The following SCRG1 variants were observed in gnomAD, a reference collection of about 807,000 sequenced individuals.
SCRG1 encodes the protein scrapie-responsive protein 1.
A neutral mutation model predicts 7.7 loss-of-function variants in SCRG1; 3 were observed. That is an observed-to-expected ratio of 0.39 (90% CI 0.18 to 1.01). SCRG1 has a LOEUF of 1.01. Among genes scored for constraint, SCRG1 ranks in the 50% least tolerant of loss-of-function variants. The pLI, the probability that SCRG1 is intolerant of heterozygous loss-of-function variation, is 0.36. For synonymous variants in SCRG1, 46 were observed against 41.2 expected (o/e 1.12, Z -0.44); for missense variants, 110 against 117.2 (o/e 0.94, Z 0.28).
the SCRG1 span, among the ~76,000 whole-genome samples, chr4:173,446,408 G>GA: frequency 0.081 from 12,312 of 152,066 alleles, 590 homozygotes; most frequent in Non-Finnish European, 0.097. Flanking sequence ...CTCACGGGGG[G>GA]AAAAGCCAAT....
At chr4:173,488,275 C>T in the SCRG1 span, among the ~76,000 whole-genome samples, 1 of 152,040 alleles carries the variant, frequency 6.6e-6, no homozygotes, top group Non-Finnish European at 1.5e-5. Flanking sequence ...AAATGAGCAT[C>T]TCTTCAAGGG....
chr4:173,442,138 G>A, the SCRG1 span, among the ~76,000 whole-genome samples: 1 of 152,138 alleles, frequency 6.6e-6, no homozygotes. Flanking sequence ...GAACTTGCCT[G>A]CCTAGATCTC....
chr4:173,431,055 C>T, the SCRG1 span, among the ~76,000 whole-genome samples: 4 of 152,214 alleles, frequency 2.6e-5, no homozygotes, highest in South Asian at 2.1e-4. Flanking sequence ...TCAGTAGAAG[C>T]CCAAACCCCA....
chr4:173,479,435 G>GTTTTTTTTTTTTTT, the SCRG1 span, among the ~76,000 whole-genome samples: 4 of 125,930 alleles, frequency 3.2e-5, no homozygotes, highest in Non-Finnish European at 5.1e-5. Flanking sequence ...TTGTTTGTTT[G>GTTTTTTTTTTTTTT]TTTTTTTGTT....
At chr4:173,480,583 G>A in the SCRG1 span, among the ~76,000 whole-genome samples, 19 of 152,132 alleles carry the variant, frequency 1.2e-4, no homozygotes, top group Admixed American at 7.2e-4. Flanking sequence ...CCATAAGAAT[G>A]TGCAATTATT....
At chr4:173,496,180 A>G in the SCRG1 span, among the ~76,000 whole-genome samples, 10 of 152,220 alleles carry the variant, frequency 6.6e-5, no homozygotes, top group Admixed American at 6.5e-4. Flanking sequence ...TTAAGTAGGG[A>G]AACAACATGA....
chr4:173,424,515 T>C, the SCRG1 span, among the ~76,000 whole-genome samples: 142 of 152,350 alleles, frequency 9.3e-4, 1 homozygote, highest in African/African-American at 3.2e-3. Context: ...AGGATGCATT[T>C]GACTGGCACA....
At chr4:173,434,602 G>A in the SCRG1 span, among the ~76,000 whole-genome samples, 4 of 152,162 alleles carry the variant, frequency 2.6e-5, no homozygotes, top group South Asian at 2.1e-4. Context: ...AGGCCTAGGC[G>A]GGTGGATTAT....
At chr4:173,490,588 G>T in the SCRG1 span, among the ~76,000 whole-genome samples, 1 of 152,178 alleles carries the variant, frequency 6.6e-6, no homozygotes, top group Non-Finnish European at 1.5e-5. Flanking sequence ...GTTGCTGCCC[G>T]ATTGCAGGAA....
At chr4:173,416,013 G>A in the SCRG1 span, among the ~76,000 whole-genome samples, 1 of 152,242 alleles carries the variant, frequency 6.6e-6, no homozygotes, top group African/African-American at 2.4e-5. Context: ...GGTAAGACCA[G>A]CATGTGCGCC....
the SCRG1 span, chr4:173,419,229 T>C: frequency 1.3e-5 from 6 of 479,740 alleles, no homozygotes; most frequent in East Asian, 7.8e-5. Context: ...AAAATCCTCA[T>C]AGAAAATTGT....
Position 173,388,293 on chromosome 4 carries a change from A to AAG in SCRG1, c.*47_*48insCT, listed in dbSNP as rs770506530. ...AAATGCAGTTATACTGATGTAGTGC[A>AAG]GTTTGTGGGAAATCAGGAATGGTGT... On this transcript the variant is annotated 3_prime_UTR_variant, in exon 3 of 3. Transcript: ENST00000296506. The AAG allele has an allele frequency of 3.1e-5, 41 of 1,314,212 alleles. 2 individuals are homozygous for AAG. The South Asian group carries it at 4.9e-4, about 16-fold the overall frequency. The allele number at this position is 1,314,212 out of a possible 1,614,324, so 81.4% of individuals were successfully genotyped here. A position where few individuals can be genotyped will look rare whatever the true frequency, so the allele number is the denominator to read the frequency against.
the SCRG1 span, among the ~76,000 whole-genome samples, chr4:173,445,583 G>A: frequency 2.8e-5 from 4 of 141,436 alleles, no homozygotes; most frequent in Non-Finnish European, 4.5e-5. Context: ...CTCCGTCTCG[G>A]AAAAAAAAAA....
chr4:173,471,330 A>G, the SCRG1 span, among the ~76,000 whole-genome samples: 1 of 152,194 alleles, frequency 6.6e-6, no homozygotes, highest in African/African-American at 2.4e-5. Context: ...CTTTTTGATT[A>G]TGGCCAAGCC....
At chr4:173,447,114 T>C in the SCRG1 span, among the ~76,000 whole-genome samples, 1 of 152,208 alleles carries the variant, frequency 6.6e-6, no homozygotes, top group Non-Finnish European at 1.5e-5. Flanking sequence ...CAACAAACAT[T>C]TATTTCTCAC....
the SCRG1 span, among the ~76,000 whole-genome samples, chr4:173,471,664 G>A: frequency 6.6e-6 from 1 of 152,178 alleles, no homozygotes; most frequent in Non-Finnish European, 1.5e-5. Flanking sequence ...GGTAGCCTAT[G>A]TGCATACCCA....
chr4:173,400,823 T>A (rs1481059819), upstream of SCRG1, among the ~76,000 whole-genome samples: 1 of 152,188 alleles, frequency 6.6e-6, no homozygotes, highest in Non-Finnish European at 1.5e-5. Context: ...GTGTTTCTAG[T>A]GTCTTTGTTT....
chr4:173,498,577 G>C, the SCRG1 span, among the ~76,000 whole-genome samples: 1 of 152,214 alleles, frequency 6.6e-6, no homozygotes, highest in Non-Finnish European at 1.5e-5. Context: ...GAATGAGCAG[G>C]GTTCCAGTGT....
chr4:173,465,203 C>A, the SCRG1 span, among the ~76,000 whole-genome samples: 3 of 152,080 alleles, frequency 2.0e-5, no homozygotes, highest in Non-Finnish European at 4.4e-5. Flanking sequence ...GGACTTAATG[C>A]CACTGAATGA....
Sources: gnomAD v4.1 joint callset for allele counts (sites outside exome capture counted in the v4.1 genomes callset) on GRCh38, gnomAD v4.1.1 for gene constraint, MANE v1.5 for transcripts, NCBI Gene and HGNC (gene_info 2026-07-23, HGNC 2026-07-21) for gene names.